The following GRID1 variants were observed in gnomAD, a reference collection of about 807,000 sequenced individuals.
GRID1 encodes the protein glutamate receptor ionotropic, delta-1.
Under a neutral mutation model 98.0 loss-of-function variants are expected in GRID1, and 28 were observed. That is an observed-to-expected ratio of 0.29 (90% CI 0.21 to 0.39). GRID1 has a LOEUF of 0.39. GRID1 is among the 10% of genes least tolerant of loss of function. GRID1 has a pLI of 1.00. For missense variants in GRID1, 1,111 were observed against 1,340.5 expected, an observed-to-expected ratio of 0.83 and a Z score of 2.67; for synonymous variants, 553 against 538.5, an observed-to-expected ratio of 1.03 and a Z score of -0.37.
At chr10:86,245,855 G>C (rs1270325065) in intron 2 of GRID1, among the ~76,000 whole-genome samples, 1 of 152,276 alleles carries the variant, frequency 6.6e-6, no homozygotes, top group Non-Finnish European at 1.5e-5. Flanking sequence ...AGAAGAAGAA[G>C]GCTGGGGCAG....
intron 2 of GRID1, among the ~76,000 whole-genome samples, chr10:86,241,852 C>A (rs1384904834): frequency 2.0e-5 from 3 of 152,178 alleles, no homozygotes; most frequent in Non-Finnish European, 4.4e-5. Flanking sequence ...CTGACCCAGC[C>A]TGGTCAGAGC....
intron 4 of GRID1, among the ~76,000 whole-genome samples, chr10:85,920,476 A>G (rs960218898): frequency 1.3e-5 from 2 of 152,090 alleles, no homozygotes; most frequent in Non-Finnish European, 2.9e-5. Context: ...GACAGAGCCC[A>G]CCCAACCCCA....
intron 2 of GRID1, among the ~76,000 whole-genome samples, chr10:86,320,204 A>G (rs958862630): frequency 1.3e-4 from 20 of 152,358 alleles, no homozygotes; most frequent in African/African-American, 4.6e-4. Context: ...TCTGAGATGA[A>G]TCACTAAGCG....
At chr10:86,268,713 G>C (rs192570925) in intron 2 of GRID1, among the ~76,000 whole-genome samples, 1 of 151,864 alleles carries the variant, frequency 6.6e-6, no homozygotes. Context: ...GTTTGGAGCC[G>C]GGCGCAGTGG....
intron 2 of GRID1, among the ~76,000 whole-genome samples, chr10:86,296,964 G>A (rs961234315): frequency 3.3e-5 from 5 of 152,244 alleles, no homozygotes; most frequent in South Asian, 4.1e-4. Flanking sequence ...TGCATGACCC[G>A]TGTAAAGAAA....
intron 3 of GRID1, among the ~76,000 whole-genome samples, chr10:86,183,052 C>G (rs1223918155): frequency 6.6e-6 from 1 of 152,154 alleles, no homozygotes; most frequent in Non-Finnish European, 1.5e-5. Flanking sequence ...ACACATGCAT[C>G]ACACAATCAG....
At chr10:85,825,993 C>T (rs561908744) in intron 8 of GRID1, among the ~76,000 whole-genome samples, 3 of 150,252 alleles carry the variant, frequency 2.0e-5, no homozygotes, top group African/African-American at 7.3e-5. Context: ...AACCATAAAC[C>T]CAAATAAATC....
chr10:86,201,695 T>TA (rs10685803), intron 3 of GRID1, among the ~76,000 whole-genome samples: 58,310 of 141,412 alleles, frequency 0.41, 11,939 homozygotes, highest in Non-Finnish European at 0.49. Flanking sequence ...AAATAAAAGT[T>TA]AAAAAAAAAA....
At chr10:86,138,237 T>G (rs1353881642) in intron 4 of GRID1, among the ~76,000 whole-genome samples, 1 of 152,240 alleles carries the variant, frequency 6.6e-6, no homozygotes, top group Non-Finnish European at 1.5e-5. Context: ...GAATGGATTC[T>G]TTACTAACCA....
chr10:85,620,410 T>A (rs1321662410), intron 13 of GRID1, among the ~76,000 whole-genome samples: 3 of 151,304 alleles, frequency 2.0e-5, no homozygotes, highest in Admixed American at 6.6e-5. Flanking sequence ...GATTCTGAGA[T>A]CAGAAATGTT....
chr10:85,748,659 T>A (rs550036575), intron 8 of GRID1, among the ~76,000 whole-genome samples: 35 of 152,278 alleles, frequency 2.3e-4, no homozygotes, highest in African/African-American at 8.2e-4. Context: ...TGATAGCAGG[T>A]CCTCGTGAAT....
chr10:85,872,696 C>T (rs1843290688), intron 5 of GRID1, among the ~76,000 whole-genome samples: 1 of 152,218 alleles, frequency 6.6e-6, no homozygotes, highest in African/African-American at 2.4e-5. Context: ...GTTTCTTTTC[C>T]ATTCTACCCA....
At chr10:85,984,645 A>C (rs1417895618) in intron 4 of GRID1, among the ~76,000 whole-genome samples, 1 of 152,214 alleles carries the variant, frequency 6.6e-6, no homozygotes, top group Non-Finnish European at 1.5e-5. Context: ...AAGAAACATC[A>C]GAGCAAAACG....
intron 9 of GRID1, 72 bp downstream of exon 9, chr10:85,729,441 A>T: frequency 2.4e-6 from 2 of 844,098 alleles, no homozygotes; most frequent in Non-Finnish European, 4.0e-6. Context: ...ACCCAGCATT[A>T]AACAGAAAGC....
Position 85,599,802 on chromosome 10 carries a change from A to AATATATATATATATATATATATAT in GRID1, c.*2470_*2471insATATATATATATATATATATATAT, listed in dbSNP as rs1198693547. On this transcript the variant is annotated 3_prime_UTR_variant, in exon 16 of 16. Transcript: ENST00000327946. ...GTAGAAAATTCTAAAAAAAAAAAAA[A>AATATATATATATATATATATATAT]ATATATATATATATATATAAACATG... The AATATATATATATATATATATATAT allele has an allele frequency of 3.1e-5, 2 of 64,996 alleles. No homozygotes were observed. Among genetic ancestry groups the AATATATATATATATATATATATAT allele is most frequent in the African/African-American group, 9.3e-5 (1 of 10,728 alleles). 4.0% of individuals were successfully genotyped at this position (64,996 alleles called of 1,614,324 possible).
At chr10:85,888,530 C>A (rs950569395) in intron 5 of GRID1, among the ~76,000 whole-genome samples, 1 of 152,156 alleles carries the variant, frequency 6.6e-6, no homozygotes, top group African/African-American at 2.4e-5. Context: ...CTATTTTGTT[C>A]AATCATATTT....
intron 2 of GRID1, among the ~76,000 whole-genome samples, chr10:86,220,366 G>A (rs1280661691): frequency 2.0e-5 from 3 of 152,268 alleles, no homozygotes; most frequent in South Asian, 2.1e-4. Flanking sequence ...ACTGCTGTGG[G>A]CAAGTCACAC....
intron 2 of GRID1, among the ~76,000 whole-genome samples, chr10:86,235,224 C>T (rs913512800): frequency 1.3e-5 from 2 of 152,160 alleles, no homozygotes; most frequent in South Asian, 2.1e-4. Context: ...ACCTCCCCTG[C>T]GGCTCCCACA....
chr10:85,690,732 T>A (rs1841322488), intron 12 of GRID1, among the ~76,000 whole-genome samples: 1 of 152,222 alleles, frequency 6.6e-6, no homozygotes. Flanking sequence ...TTGTAAATGT[T>A]GGCACAGTTG....
Sources: gnomAD v4.1 joint callset for allele counts (sites outside exome capture counted in the v4.1 genomes callset) on GRCh38, gnomAD v4.1.1 for gene constraint, MANE v1.5 for transcripts, NCBI Gene and HGNC (gene_info 2026-07-23, HGNC 2026-07-21) for gene names.